PKHD1: variants seen among roughly 807,000 people sequenced by gnomAD.
PKHD1 encodes the protein PKHD1 ciliary IPT domain containing fibrocystin/polyductin, also known as fibrocystin.
PKHD1 carries 291 observed loss-of-function variants against 412.0 expected under a neutral mutation model. That is an observed-to-expected ratio of 0.71 (90% CI 0.64 to 0.78). The LOEUF is 0.78. Ranked by LOEUF, PKHD1 falls within the 30% of genes least tolerant of loss-of-function variation. The pLI, the probability that PKHD1 is intolerant of heterozygous loss-of-function variation, is 0.00. For synonymous variants in PKHD1, 1,777 were observed against 1,821.5 expected, an observed-to-expected ratio of 0.98 and a Z score of 0.62; for missense variants, 4,825 against 4,950.7, an observed-to-expected ratio of 0.97 and a Z score of 0.76.
At chr6:51,649,404 T>C (rs760814216) in intron 61 of PKHD1, among the ~76,000 whole-genome samples, 184 bp from the exon 62 acceptor site, 2 of 152,136 alleles carry the variant, frequency 1.3e-5, no homozygotes, top group Non-Finnish European at 2.9e-5. Flanking sequence ...ATTTGATATG[T>C]TTTCTTAGCT....
chr6:51,642,807 T>C (rs1581799364), intron 63 of PKHD1, among the ~76,000 whole-genome samples: 1 of 152,230 alleles, frequency 6.6e-6, no homozygotes, highest in Middle Eastern at 3.4e-3. Context: ...GCCACTGCAT[T>C]CCAGCCTGGG....
intron 49 of PKHD1, among the ~76,000 whole-genome samples, chr6:51,854,656 C>T (rs145697624): frequency 1.1e-3 from 162 of 152,260 alleles, no homozygotes; most frequent in African/African-American, 3.8e-3. Flanking sequence ...GGAAGCCCTG[C>T]CTGCCCACTG....
At chr6:51,833,867 T>C (rs1237791066) in intron 51 of PKHD1, among the ~76,000 whole-genome samples, 1 of 149,952 alleles carries the variant, frequency 6.7e-6, no homozygotes, top group Non-Finnish European at 1.5e-5. Flanking sequence ...TGATCTGTCT[T>C]CTGAAGCTTT....
intron 57 of PKHD1, among the ~76,000 whole-genome samples, chr6:51,749,810 T>G (rs1048403271): frequency 6.6e-6 from 1 of 152,220 alleles, no homozygotes; most frequent in Non-Finnish European, 1.5e-5. Flanking sequence ...GTAGCATCTC[T>G]GCATTATGAT....
rs779954826 is a variant in PKHD1 at position 52,082,637 on chromosome 6, A to G, written c.131-95T>C. 5.6e-6 allele frequency: 7 copies of G among 1,243,536 alleles called. No homozygotes were observed. In the African/African-American group the frequency reaches 1.0e-4, roughly 18 times the overall value. 77.0% of individuals were successfully genotyped at this position (1,243,536 alleles called of 1,614,324 possible). ...TAAGATCCTGGGGGTAATGTAAGAC[A>G]TTAAATTTGCCCAAGGATTAAATTA... On this transcript the variant is annotated intron_variant, in intron 3 of 66. Transcript: ENST00000371117.
chr6:51,804,360 G>GGT (rs1763392488), intron 52 of PKHD1, among the ~76,000 whole-genome samples: 1 of 25,034 alleles, frequency 4.0e-5, no homozygotes. Flanking sequence ...CTAATTCATT[G>GGT]GGGGGGGGGG....
intron 37 of PKHD1, among the ~76,000 whole-genome samples, chr6:51,926,133 C>T (rs185809021): frequency 1.4e-4 from 21 of 152,192 alleles, no homozygotes; most frequent in East Asian, 5.8e-4. Context: ...CAATGTCAAA[C>T]GGTGATGGGG....
chr6:51,725,370 G>A (rs1402299929), intron 60 of PKHD1, among the ~76,000 whole-genome samples: 2 of 152,154 alleles, frequency 1.3e-5, no homozygotes, highest in Non-Finnish European at 2.9e-5. Context: ...AGAGTCATGT[G>A]GATGCTCAGA....
At chr6:51,874,546 TA>T (rs1382112889) in intron 46 of PKHD1, among the ~76,000 whole-genome samples, 1 of 152,168 alleles carries the variant, frequency 6.6e-6, no homozygotes, top group African/African-American at 2.4e-5. Context: ...AAGTAATGTT[TA>T]TTTTAGGATG....
chr6:51,941,317 G>T (rs1412305065), intron 36 of PKHD1, among the ~76,000 whole-genome samples: 2 of 126,686 alleles, frequency 1.6e-5, no homozygotes, highest in Non-Finnish European at 3.2e-5. Flanking sequence ...CTGCAGTGGC[G>T]CAATCTCGGC....
chr6:51,857,861 T>C lies in PKHD1; in HGVS notation c.7734-1791A>G, dbSNP rs1021726234. Among the ~76,000 whole-genome samples, 77 of 152,206 alleles carry C rather than the reference T, an allele frequency of 5.1e-4. 1 individual carries two copies. Among genetic ancestry groups the C allele is most frequent in the Admixed American group, 2.0e-4 (3 of 15,280 alleles). Reference sequence around the variant, plus strand: ...TTGTTTCATCCATGAACTAATGAAATGAAAGGGATGAAAAATGCTCAGGGC... The same window carrying C: ...TTGTTTCATCCATGAACTAATGAAACGAAAGGGATGAAAAATGCTCAGGGC... On this transcript the variant is annotated intron_variant, in intron 48 of 66. Coordinates refer to ENST00000371117, the MANE Select transcript of PKHD1 (RefSeq NM_138694.4).
chr6:51,923,883 G>A (rs1352166965), intron 37 of PKHD1, among the ~76,000 whole-genome samples: 10 of 152,268 alleles, frequency 6.6e-5, no homozygotes, highest in Admixed American at 3.3e-4. Context: ...AAATAGAAGC[G>A]AGGCCATGTG....
At chr6:51,776,690 G>A (rs1791078929) in intron 53 of PKHD1, among the ~76,000 whole-genome samples, 1 of 152,018 alleles carries the variant, frequency 6.6e-6, no homozygotes, top group African/African-American at 2.4e-5. Context: ...TTAAGTAACA[G>A]AATCTATTTG....
rs751228820 is a variant in PKHD1 at position 51,748,414 on chromosome 6, T to A, written c.9202A>T (p.Met3068Leu). 1 of 1,614,038 alleles carries A rather than the reference T, an allele frequency of 6.2e-7. No individual in the cohort carries two copies. The highest frequency in any genetic ancestry group is 8.5e-7 in the Non-Finnish European group (1 of 1,179,968). ...YTVTNNLVVL[M>L]TQPAWSTIWV... ...ATGGTGGACCACGCTGGCTGTGTCA[T>A]CAGAACCACAAGGTTATTAGTGACA... The change falls in exon 58 of 67, where the codon ATG (methionine) becomes TTG (leucine). Residue 3068 changes from methionine (M) to leucine (L), a missense_variant. Transcript: ENST00000371117.
chr6:51,976,828 G>A (rs1411242214), intron 35 of PKHD1, among the ~76,000 whole-genome samples: 2 of 151,256 alleles, frequency 1.3e-5, no homozygotes. Flanking sequence ...CATGCCTGTA[G>A]TCCCAGCTAC....
intron 29 of PKHD1, among the ~76,000 whole-genome samples, chr6:52,031,770 C>T (rs190842882): frequency 1.3e-5 from 2 of 152,262 alleles, no homozygotes; most frequent in African/African-American, 4.8e-5. Context: ...CAAAAGGCTA[C>T]GACACTTCGT....
intron 60 of PKHD1, among the ~76,000 whole-genome samples, chr6:51,684,691 G>C (rs1226824522): frequency 6.6e-6 from 1 of 152,110 alleles, no homozygotes; most frequent in Non-Finnish European, 1.5e-5. Flanking sequence ...AGATTTTAGA[G>C]ACTGCTAGGG....
chr6:51,934,176 A>G lies in PKHD1; in HGVS notation c.6055T>C (p.Ser2019Pro). 6.2e-7 allele frequency: 1 copy of G among 1,613,652 alleles called. No individual in the cohort carries two copies. The highest frequency in any genetic ancestry group is 8.5e-7 in the Non-Finnish European group (1 of 1,179,540). The change falls in exon 37 of 67, where the codon TCA (serine) becomes CCA (proline). Residue 2019 changes from serine (S) to proline (P), a missense_variant. By Grantham distance (74) the Ser-to-Pro change is moderately conservative (BLOSUM62 -1). Transcript: ENST00000371117. ...AQITLYGSSY[S>P]TPFFPYGVKF... ...ACTCCATAGGGAAAGAAGGGAGTTG[A>G]GTAGGAACTCCCGTAGAGTGTGATC... is the stretch of plus-strand genomic sequence containing the variant.
chr6:52,023,549 T>C (rs1314669013), intron 32 of PKHD1, among the ~76,000 whole-genome samples: 1 of 152,244 alleles, frequency 6.6e-6, no homozygotes, highest in Non-Finnish European at 1.5e-5. Flanking sequence ...TCTTTTGCTA[T>C]TGTTAATAGT....
Sources: gnomAD v4.1 joint callset for allele counts (sites outside exome capture counted in the v4.1 genomes callset) on GRCh38, gnomAD v4.1.1 for gene constraint, MANE v1.5 for transcripts, NCBI Gene and HGNC (gene_info 2026-07-23, HGNC 2026-07-21) for gene names.